The following TPH2 variants were observed in gnomAD, a reference collection of about 807,000 sequenced individuals.
TPH2 encodes tryptophan 5-hydroxylase 2.
In TPH2, 27 loss-of-function variants were observed where a neutral mutation model predicts 59.1. The observed-to-expected ratio is 0.46, with a 90% CI of 0.34 to 0.63. TPH2 has a LOEUF of 0.63. Ranked by LOEUF, TPH2 falls within the 30% of genes least tolerant of loss-of-function variation. TPH2 has a pLI of 0.01. For missense variants in TPH2, 523 were observed against 588.3 expected, an observed-to-expected ratio of 0.89 and a Z score of 1.15; for synonymous variants, 220 against 210.5, an observed-to-expected ratio of 1.05 and a Z score of -0.39.
At chr12:72,016,866 C>T (rs1005838387) in intron 8 of TPH2, among the ~76,000 whole-genome samples, 2 of 152,050 alleles carry the variant, frequency 1.3e-5, no homozygotes, top group Admixed American at 6.6e-5. Context: ...TTATATGTAT[C>T]ATTTTAATCT....
At chr12:72,025,454 C>T (rs1376822782) in intron 9 of TPH2, among the ~76,000 whole-genome samples, 2 of 152,136 alleles carry the variant, frequency 1.3e-5, no homozygotes, top group African/African-American at 2.4e-5. Flanking sequence ...TTAGAGCTGG[C>T]CAAGTACTTC....
In TPH2 at chr12:71,938,891, A is replaced by C. The variant is rs1870972127; in HGVS notation, c.-96A>C. Reference sequence around the variant, plus strand: ...GTTCTGGACAGCGCCCCAAGCAGGCAGCTGATCGCACGCCCCTTCCTCTCA... The same window carrying C: ...GTTCTGGACAGCGCCCCAAGCAGGCCGCTGATCGCACGCCCCTTCCTCTCA... On this transcript the variant is annotated 5_prime_UTR_variant, in exon 1 of 11. Coordinates refer to ENST00000333850, the MANE Select transcript of TPH2 (RefSeq NM_173353.4). The C allele has an allele frequency of 2.0e-5, 21 of 1,029,980 alleles. No homozygotes were observed. In the South Asian group the frequency reaches 2.1e-4, roughly 11 times the overall value. The allele number at this position is 1,029,980 out of a possible 1,614,324, so 63.8% of individuals were successfully genotyped here.
intron 5 of TPH2, chr12:71,961,930 C>G: frequency 9.4e-7 from 1 of 1,061,820 alleles, no homozygotes. Context: ...ACAAAACAAA[C>G]TAATGTTTTT....
At chr12:72,031,191 ATGTGATGTC>A in intron 9 of TPH2, 58 bp from the exon 10 acceptor site, 1 of 1,603,804 alleles carries the variant, frequency 6.2e-7, no homozygotes, top group Non-Finnish European at 8.5e-7. Context: ...TGTTGTAAAA[ATGTGATGTC>A]ATGGAGCTTC....
At chr12:71,980,566 A>G (rs1333954298) in intron 7 of TPH2, among the ~76,000 whole-genome samples, 2 of 152,060 alleles carry the variant, frequency 1.3e-5, no homozygotes, top group East Asian at 1.9e-4. Flanking sequence ...GAGGTTACTT[A>G]TAGGACCCCA....
chr12:71,939,341 T>G (rs1592855536), intron 1 of TPH2, among the ~76,000 whole-genome samples: 1 of 149,194 alleles, frequency 6.7e-6, no homozygotes, highest in East Asian at 2.0e-4. Context: ...AGTTAAGAAG[T>G]TCCTGAACAT....
intron 5 of TPH2, among the ~76,000 whole-genome samples, chr12:71,972,097 G>A (rs183940727): frequency 6.0e-4 from 91 of 152,260 alleles, no homozygotes; most frequent in African/African-American, 2.2e-3. Flanking sequence ...GTGAGTCTGG[G>A]CAAGGGACAA....
At chr12:71,987,872 T>G (rs895147701) in intron 7 of TPH2, among the ~76,000 whole-genome samples, 2 of 151,908 alleles carry the variant, frequency 1.3e-5, no homozygotes, top group African/African-American at 4.8e-5. Context: ...AAAAATAATA[T>G]AAGAGAGAAG....
chr12:71,945,140 G>A (rs1871166908), intron 4 of TPH2, among the ~76,000 whole-genome samples: 1 of 152,134 alleles, frequency 6.6e-6, no homozygotes, highest in Non-Finnish European at 1.5e-5. Flanking sequence ...GTTGACTTCA[G>A]TCTCAATGGA....
chr12:72,025,352 G>C (rs935727438), intron 9 of TPH2, among the ~76,000 whole-genome samples: 13 of 152,054 alleles, frequency 8.5e-5, no homozygotes, highest in African/African-American at 3.1e-4. Context: ...TTTTACATAA[G>C]TATCCACAAT....
At chr12:72,024,538 A>G (rs1873516323) in intron 9 of TPH2, among the ~76,000 whole-genome samples, 1 of 152,254 alleles carries the variant, frequency 6.6e-6, no homozygotes, top group African/African-American at 2.4e-5. Flanking sequence ...TATCCCCAAT[A>G]AGGGCATGCA....
At chr12:71,972,224 C>G (rs1380876047) in intron 5 of TPH2, among the ~76,000 whole-genome samples, 2 of 152,202 alleles carry the variant, frequency 1.3e-5, no homozygotes, top group Non-Finnish European at 2.9e-5. Context: ...TCCTTCCAAC[C>G]CGTAACTATT....
intron 5 of TPH2, among the ~76,000 whole-genome samples, chr12:71,958,806 A>G (rs1324082691): frequency 6.6e-6 from 1 of 152,102 alleles, no homozygotes; most frequent in East Asian, 1.9e-4. Context: ...TGATTTTTTT[A>G]TTTATAAAAT....
intron 8 of TPH2, among the ~76,000 whole-genome samples, chr12:72,010,311 T>A (rs1173817788): frequency 6.6e-6 from 1 of 152,186 alleles, no homozygotes; most frequent in African/African-American, 2.4e-5. Context: ...GAGAGATAGG[T>A]GAGCTCAACT....
At chr12:71,973,794 A>G (rs1398864353) in intron 6 of TPH2, among the ~76,000 whole-genome samples, 1 of 152,222 alleles carries the variant, frequency 6.6e-6, no homozygotes, top group African/African-American at 2.4e-5. Context: ...CAATAAATCA[A>G]TCAACTAATT....
chr12:71,972,481 C>A, intron 5 of TPH2, 38 bp from the exon 6 acceptor site: 1 of 1,603,838 alleles, frequency 6.2e-7, no homozygotes, highest in South Asian at 1.1e-5. Flanking sequence ...CTCAGTGATT[C>A]AAAGTTAGAT....
intron 7 of TPH2, among the ~76,000 whole-genome samples, chr12:71,993,184 G>T (rs924786673): frequency 5.9e-5 from 9 of 152,168 alleles, no homozygotes; most frequent in African/African-American, 2.2e-4. Flanking sequence ...ATTGAGTGAT[G>T]CTATCTGTTT....
intron 6 of TPH2, 86 bp downstream of exon 6, chr12:71,972,801 C>T: frequency 7.3e-7 from 1 of 1,373,562 alleles, no homozygotes; most frequent in Non-Finnish European, 1.0e-6. Flanking sequence ...GCTCTTTTTC[C>T]AAAAAAGGAA....
chr12:71,982,013 G>GTCTTTTTTTTTTTTTTTTTTT (rs1468983565), intron 7 of TPH2, among the ~76,000 whole-genome samples: 1 of 55,670 alleles, frequency 1.8e-5, no homozygotes, highest in Admixed American at 1.7e-4. Flanking sequence ...CATATCATTC[G>GTCTTTTTTTTTTTTTTTTTTT]TATTTTTTTT....
Sources: gnomAD v4.1 joint callset for allele counts (sites outside exome capture counted in the v4.1 genomes callset) on GRCh38, gnomAD v4.1.1 for gene constraint, MANE v1.5 for transcripts, NCBI Gene and HGNC (gene_info 2026-07-23, HGNC 2026-07-21) for gene names.